TMEM178B: variants seen among roughly 807,000 people sequenced by gnomAD.
TMEM178B encodes the protein transmembrane protein 178B.
In TMEM178B, 5 loss-of-function variants were observed where a neutral mutation model predicts 31.0. That is an observed-to-expected ratio of 0.16 (90% confidence interval 0.08 to 0.34). TMEM178B has a LOEUF of 0.34. TMEM178B is among the 10% of genes least tolerant of loss of function. TMEM178B has a pLI of 1.00. For synonymous variants in TMEM178B, 164 were observed against 164.0 expected (o/e 1.00, Z 0.00); for missense variants, 275 against 400.3 (o/e 0.69, Z 2.67).
intron 1 of TMEM178B, among the ~76,000 whole-genome samples, chr7:141,092,706 A>G (rs765476035): frequency 5.9e-5 from 9 of 152,340 alleles, no homozygotes; most frequent in Non-Finnish European, 1.0e-4. Flanking sequence ...ATAAATAAGT[A>G]AAACATATAA....
intron 1 of TMEM178B, among the ~76,000 whole-genome samples, chr7:141,167,464 T>G (rs1796280275): frequency 6.6e-6 from 1 of 152,264 alleles, no homozygotes; most frequent in Non-Finnish European, 1.5e-5. Context: ...AGTTCGTTGC[T>G]CCTCATTCCC....
chr7:141,251,982 C>A (rs1797841250), intron 2 of TMEM178B, among the ~76,000 whole-genome samples: 1 of 152,176 alleles, frequency 6.6e-6, no homozygotes, highest in Admixed American at 6.5e-5. Flanking sequence ...AGAGACATTT[C>A]TCTAAGATCC....
At chr7:141,232,038 C>A (rs534374518) in intron 2 of TMEM178B, among the ~76,000 whole-genome samples, 1 of 152,312 alleles carries the variant, frequency 6.6e-6, no homozygotes, top group South Asian at 2.1e-4. Context: ...TCAGCTCCCA[C>A]TTATAAGTGA....
chr7:141,146,096 G>C (rs961640382), intron 1 of TMEM178B, among the ~76,000 whole-genome samples: 2 of 152,208 alleles, frequency 1.3e-5, no homozygotes, highest in African/African-American at 4.8e-5. Context: ...CGGCAAAGTA[G>C]GTGTTAATAC....
intron 2 of TMEM178B, among the ~76,000 whole-genome samples, chr7:141,357,463 A>T (rs1799840671): frequency 6.6e-6 from 1 of 152,220 alleles, no homozygotes; most frequent in African/African-American, 2.4e-5. Context: ...TGTCTTTCTC[A>T]GCCCTTGCTG....
At chr7:141,113,832 T>A (rs563272876) in intron 1 of TMEM178B, among the ~76,000 whole-genome samples, 1 of 152,342 alleles carries the variant, frequency 6.6e-6, no homozygotes, top group Non-Finnish European at 1.5e-5. Context: ...TACCATTGAA[T>A]GGGCATTTGA....
chr7:141,307,917 A>G (rs7458320), intron 2 of TMEM178B, among the ~76,000 whole-genome samples: 63,303 of 152,014 alleles, frequency 0.42, 13,977 homozygotes, highest in African/African-American at 0.56. Flanking sequence ...CATTTAGTGG[A>G]TGATTAGTGA....
intron 2 of TMEM178B, among the ~76,000 whole-genome samples, chr7:141,391,927 C>T (rs894050587): frequency 5.9e-5 from 9 of 152,310 alleles, no homozygotes; most frequent in East Asian, 3.9e-4. Context: ...TCCATTCATC[C>T]GTCAGCGGAT....
At chr7:141,246,669 G>A (rs902696374) in intron 2 of TMEM178B, among the ~76,000 whole-genome samples, 1 of 152,142 alleles carries the variant, frequency 6.6e-6, no homozygotes, top group Non-Finnish European at 1.5e-5. Context: ...AAAAGAGTGT[G>A]TGCAGGTAAG....
chr7:141,382,910 T>C (rs1490762509), intron 2 of TMEM178B, among the ~76,000 whole-genome samples: 2 of 152,192 alleles, frequency 1.3e-5, no homozygotes, highest in Non-Finnish European at 2.9e-5. Context: ...CATTTACCAG[T>C]GTGAATCCAC....
At chr7:141,298,198 G>C (rs943000644) in intron 2 of TMEM178B, among the ~76,000 whole-genome samples, 1 of 152,072 alleles carries the variant, frequency 6.6e-6, no homozygotes, top group Non-Finnish European at 1.5e-5. Flanking sequence ...ACTTTTTGAT[G>C]GGGTTGTTTG....
intron 3 of TMEM178B, among the ~76,000 whole-genome samples, chr7:141,462,177 T>A (rs1802070216): frequency 6.6e-6 from 1 of 152,116 alleles, no homozygotes; most frequent in South Asian, 2.1e-4. Flanking sequence ...ACTTTCTAGT[T>A]TTAGGGCTGA....
At chr7:141,484,894 G>T (rs575235697), downstream of TMEM178B, among the ~76,000 whole-genome samples, 1 of 151,624 alleles carries the variant, frequency 6.6e-6, no homozygotes, top group Non-Finnish European at 1.5e-5. The surrounding 1 kb of genome is among the most constrained non-coding windows in gnomAD (Gnocchi z 4.8). Context: ...GATCACATAG[G>T]ACTTCAAAAG....
At chr7:141,208,334 G>A (rs1438775718) in intron 1 of TMEM178B, among the ~76,000 whole-genome samples, 1 of 152,202 alleles carries the variant, frequency 6.6e-6, no homozygotes, top group Non-Finnish European at 1.5e-5. Context: ...GGATGCAGGA[G>A]TTTGGTGAAG....
chr7:141,231,197 G>T (rs1265719235), intron 2 of TMEM178B, among the ~76,000 whole-genome samples: 2 of 151,980 alleles, frequency 1.3e-5, no homozygotes, highest in East Asian at 3.9e-4. Flanking sequence ...AACAGAGCTG[G>T]TGCATACAGA....
intron 2 of TMEM178B, among the ~76,000 whole-genome samples, chr7:141,343,548 T>G (rs1050026796): frequency 6.9e-6 from 1 of 145,464 alleles, no homozygotes; most frequent in Non-Finnish European, 1.5e-5. Flanking sequence ...TTTTTTTTTT[T>G]TGTGAGATGG....
chr7:141,108,489 G>A (rs544466848), intron 1 of TMEM178B, among the ~76,000 whole-genome samples: 2 of 152,228 alleles, frequency 1.3e-5, no homozygotes, highest in Non-Finnish European at 2.9e-5. Flanking sequence ...GTAGACAGAT[G>A]TGGTACTGGG....
intron 2 of TMEM178B, among the ~76,000 whole-genome samples, chr7:141,280,759 G>C (rs540467203): frequency 6.6e-6 from 1 of 151,906 alleles, no homozygotes; most frequent in Non-Finnish European, 1.5e-5. Flanking sequence ...CAGAGGTTCT[G>C]ATTCCACGGG....
chr7:141,431,122 A>G (rs1489070913), intron 2 of TMEM178B: 3 of 151,794 alleles, frequency 2.0e-5, no homozygotes, highest in Admixed American at 1.3e-4. Flanking sequence ...TAGCCCCAGT[A>G]ATTACCATCG....
Sources: allele counts gnomAD v4.1 joint callset (sites outside exome capture counted in the v4.1 genomes callset), GRCh38; gene constraint gnomAD v4.1.1; non-coding constraint Gnocchi (gnomAD v3.1); transcripts MANE v1.5; gene names NCBI Gene and HGNC (gene_info 2026-07-23, HGNC 2026-07-21).